DGKB: variants seen among roughly 807,000 people sequenced by gnomAD.
The protein encoded by DGKB is diacylglycerol kinase beta.
A neutral mutation model predicts 114.3 loss-of-function variants in DGKB; 67 were observed. That is an observed-to-expected ratio of 0.59 (90% confidence interval 0.48 to 0.72). The LOEUF (loss-of-function observed/expected upper bound fraction) is 0.72, where lower values mean the gene tolerates loss of function less well. DGKB is among the 30% of genes least tolerant of loss of function. The pLI, the probability that DGKB is intolerant of heterozygous loss-of-function variation, is 0.00. For missense variants in DGKB, 907 were observed against 975.2 expected, an observed-to-expected ratio of 0.93 and a Z score of 0.93; for synonymous variants, 398 against 323.1, an observed-to-expected ratio of 1.23 and a Z score of -2.49.
intron 21 of DGKB, among the ~76,000 whole-genome samples, chr7:14,430,161 T>C (rs1291382244): frequency 2.6e-5 from 4 of 152,152 alleles, no homozygotes; most frequent in Non-Finnish European, 4.4e-5. Flanking sequence ...GATGGCTTCC[T>C]TGCACTTTCA....
At chr7:14,471,482 T>C (rs1356010028) in intron 21 of DGKB, among the ~76,000 whole-genome samples, 2 of 148,696 alleles carry the variant, frequency 1.3e-5, no homozygotes, top group Non-Finnish European at 1.5e-5. Flanking sequence ...AATAATAATT[T>C]GAAAATTGTA....
At chr7:14,589,803 G>C (rs1343056370) in intron 17 of DGKB, among the ~76,000 whole-genome samples, 2 of 151,796 alleles carry the variant, frequency 1.3e-5, no homozygotes, top group African/African-American at 4.8e-5. Flanking sequence ...CTAATATTTT[G>C]TTTAGAAATT....
intron 23 of DGKB, among the ~76,000 whole-genome samples, chr7:14,327,723 T>C (rs1324788555): frequency 6.6e-6 from 1 of 152,108 alleles, no homozygotes; most frequent in Admixed American, 6.6e-5. Flanking sequence ...ATTCTGATAC[T>C]GCACTCGTGG....
intron 22 of DGKB, among the ~76,000 whole-genome samples, chr7:14,339,661 T>C (rs1258802370): frequency 6.6e-6 from 1 of 152,066 alleles, no homozygotes; most frequent in Non-Finnish European, 1.5e-5. Context: ...TATTTATTCA[T>C]TTGCCTTGAC....
chr7:14,534,696 T>C (rs1159055528), intron 20 of DGKB, among the ~76,000 whole-genome samples: 1 of 151,696 alleles, frequency 6.6e-6, no homozygotes, highest in African/African-American at 2.4e-5. Context: ...TAGACAAAAA[T>C]AGACAAAGTA....
At chr7:14,373,277 CTAACA>C (rs1295582246) in intron 21 of DGKB, among the ~76,000 whole-genome samples, 2 of 152,122 alleles carry the variant, frequency 1.3e-5, no homozygotes, top group African/African-American at 4.8e-5. Context: ...GTAACGCTTC[CTAACA>C]TGTTTAAAAC....
At chr7:14,834,400 C>T (rs1384281421) in intron 2 of DGKB, among the ~76,000 whole-genome samples, 2 of 152,126 alleles carry the variant, frequency 1.3e-5, no homozygotes, top group Non-Finnish European at 2.9e-5. Flanking sequence ...CAGTTCTCCC[C>T]TGGCACTGGG....
intron 12 of DGKB, among the ~76,000 whole-genome samples, chr7:14,676,706 G>A (rs1819919697): frequency 6.6e-6 from 1 of 151,962 alleles, no homozygotes; most frequent in South Asian, 2.1e-4. Flanking sequence ...AGATGCTGAA[G>A]GCTGACTATT....
At chr7:14,180,163 T>C (rs1782419782) in intron 23 of DGKB, among the ~76,000 whole-genome samples, 1 of 149,972 alleles carries the variant, frequency 6.7e-6, no homozygotes, top group Admixed American at 6.6e-5. Context: ...GAGTTCGCAT[T>C]TAGTATTGTA....
chr7:14,676,133 A>G (rs1318226844), intron 12 of DGKB, among the ~76,000 whole-genome samples: 1 of 151,948 alleles, frequency 6.6e-6, no homozygotes, highest in Non-Finnish European at 1.5e-5. Context: ...TATTTTAAAA[A>G]GCAAAAATCA....
chr7:14,881,279 C>T (rs1403346657), intron 1 of DGKB, among the ~76,000 whole-genome samples: 2 of 152,070 alleles, frequency 1.3e-5, no homozygotes, highest in Non-Finnish European at 2.9e-5. Flanking sequence ...TTAGAGTCAC[C>T]TCTATAAATT....
At chr7:14,455,241 A>G (rs554479637) in intron 21 of DGKB, among the ~76,000 whole-genome samples, 24 of 152,164 alleles carry the variant, frequency 1.6e-4, no homozygotes, top group African/African-American at 5.3e-4. Flanking sequence ...TATCTGCTAG[A>G]GAGCTTGGAA....
At chr7:14,160,071 C>T (rs575474938) in intron 25 of DGKB, among the ~76,000 whole-genome samples, 1 of 152,016 alleles carries the variant, frequency 6.6e-6, no homozygotes, top group Non-Finnish European at 1.5e-5. Context: ...GTTCACCTCA[C>T]AGATTTGTCA....
upstream of DGKB, among the ~76,000 whole-genome samples, chr7:14,906,479 A>C (rs1295138524): frequency 8.9e-6 from 1 of 111,990 alleles, no homozygotes; most frequent in Non-Finnish European, 1.7e-5. Flanking sequence ...TTTGAGATGG[A>C]GTCTCGCTCT....
chr7:14,378,852 C>A (rs2128673508), intron 21 of DGKB, among the ~76,000 whole-genome samples: 1 of 151,846 alleles, frequency 6.6e-6, no homozygotes, highest in Middle Eastern at 3.4e-3. Context: ...GATGATTATG[C>A]AAATAGAATT....
intron 1 of DGKB, among the ~76,000 whole-genome samples, chr7:14,843,921 C>G (rs1274340114): frequency 1.3e-5 from 2 of 152,198 alleles, no homozygotes; most frequent in East Asian, 3.9e-4. Context: ...ATTCAATCTT[C>G]AGAAAGCAAC....
chr7:14,165,776 T>C (rs962842833), intron 25 of DGKB, among the ~76,000 whole-genome samples: 1 of 152,164 alleles, frequency 6.6e-6, no homozygotes, highest in African/African-American at 2.4e-5. Context: ...CTTACAATGG[T>C]TTATGTTGCT....
intron 1 of DGKB, among the ~76,000 whole-genome samples, chr7:14,953,941 T>G (rs1246184079): frequency 1.3e-5 from 2 of 152,052 alleles, no homozygotes; most frequent in African/African-American, 4.8e-5. Flanking sequence ...TTGTTAGAAA[T>G]GCAAATTCTG....
At chr7:14,532,749 A>G (rs1302557672) in intron 20 of DGKB, among the ~76,000 whole-genome samples, 3 of 151,718 alleles carry the variant, frequency 2.0e-5, no homozygotes, top group African/African-American at 7.2e-5. Context: ...CGGTAAAGAC[A>G]TGGAGTCCTA....
Sources: gnomAD v4.1 joint callset for allele counts (sites outside exome capture counted in the v4.1 genomes callset) on GRCh38, gnomAD v4.1.1 for gene constraint, MANE v1.5 for transcripts, NCBI Gene and HGNC (gene_info 2026-07-23, HGNC 2026-07-21) for gene names.